Variants in NFASC observed in about 807,000 individuals in gnomAD.
NFASC encodes neurofascin, also known as neurofascin homolog.
Under a neutral mutation model 147.5 loss-of-function variants are expected in NFASC, and 43 were observed. That is an observed-to-expected ratio of 0.29 (90% CI 0.23 to 0.38). The LOEUF (loss-of-function observed/expected upper bound fraction) is 0.38, where lower values mean the gene tolerates loss of function less well. Ranked by LOEUF, NFASC falls within the 10% of genes least tolerant of loss-of-function variation. The pLI is 1.00. For missense variants in NFASC, 1,320 were observed against 1,689.0 expected (o/e 0.78, Z 3.83); for synonymous variants, 622 against 665.5 (o/e 0.93, Z 1.01).
intron 10 of NFASC, among the ~76,000 whole-genome samples, chr1:204,970,163 G>GAT (rs2095180289): frequency 6.7e-6 from 1 of 150,138 alleles, no homozygotes; most frequent in African/African-American, 2.4e-5. Context: ...TAAATGGTCT[G>GAT]ATCTTGCAAA....
chr1:205,000,071 T>A (rs570264152), intron 25 of NFASC: 1 of 152,238 alleles, frequency 6.6e-6, no homozygotes, highest in African/African-American at 2.4e-5. Context: ...ACCATGGCTT[T>A]GATAAAGTGG....
At chr1:204,995,076 C>T (rs903032998) in intron 24 of NFASC, among the ~76,000 whole-genome samples, 1 of 152,122 alleles carries the variant, frequency 6.6e-6, no homozygotes, top group Non-Finnish European at 1.5e-5. Context: ...GCCATGATCA[C>T]ACCACTACAC....
At position 204,975,864 on chromosome 1, in the gene NFASC, C is replaced by G. The variant is rs2095390202; in HGVS notation, c.1706+446C>G. ...AGCCAGCTCTCAGCCCTGACTGAAC[C>G]TGGCATGCTTTTACCACACCCACGC... On this transcript the variant is annotated intron_variant, in intron 15 of 29. Coordinates refer to ENST00000339876, the MANE Select transcript of NFASC (RefSeq NM_001005388.3). The surrounding 1 kb of genome is among the most constrained non-coding windows in gnomAD (Gnocchi z 4.0). Among the ~76,000 whole-genome samples, 1 of 152,188 alleles carries G rather than the reference C, an allele frequency of 6.6e-6. No individual in the cohort carries two copies. The highest frequency in any genetic ancestry group is 2.1e-4 in the South Asian group (1 of 4,836).
intron 1 of NFASC, among the ~76,000 whole-genome samples, chr1:204,833,962 G>T (rs1488538360): frequency 1.3e-5 from 2 of 152,188 alleles, no homozygotes; most frequent in African/African-American, 4.8e-5. Flanking sequence ...ATACCTAGCT[G>T]GTAGTAAATA....
rs2095515252 is a variant in NFASC at position 204,981,840 on chromosome 1, A to G, written c.2290A>G (p.Ile764Val). The G allele has an allele frequency of 6.3e-7, 1 of 1,596,230 alleles. No individual in the cohort carries two copies. Among genetic ancestry groups the G allele is most frequent in the East Asian group, 2.3e-5 (1 of 43,312 alleles). The part of the protein sequence containing the change: ...TSAFGPNLRY[I>V]VKWRRRETRE... ...GGCCTTTGGCCCCAACCTGCGCTAC[A>G]TTGTCAAGTGGAGGCGGAGAGAGAC... Residue 764 changes from isoleucine to valine, a missense_variant, in exon 21 of 30, where the codon ATT becomes GTT. Coordinates refer to ENST00000339876, the MANE Select transcript of NFASC (RefSeq NM_001005388.3).
chr1:204,834,847 A>C (rs1195770420), intron 1 of NFASC, among the ~76,000 whole-genome samples: 2 of 152,068 alleles, frequency 1.3e-5, no homozygotes, highest in African/African-American at 4.8e-5. Context: ...AGGCTGCGTG[A>C]ATAGTGGTCC....
intron 1 of NFASC, among the ~76,000 whole-genome samples, chr1:204,849,416 C>G: frequency 6.6e-6 from 1 of 152,186 alleles, no homozygotes; most frequent in Non-Finnish European, 1.5e-5. Context: ...TAGCCTGCAT[C>G]TGAGGCACTG....
At position 205,019,904 on chromosome 1, in the gene NFASC, C is replaced by T. The variant is rs1203495604; in HGVS notation, c.*3365C>T. On this transcript the variant is annotated 3_prime_UTR_variant, in exon 30 of 30. Transcript: ENST00000339876. ...CTCTTTCTACAGAGAGGCACGGGCT[C>T]CCCTGAAGGATTGTCGAGGCCAGGG... 1 of 152,236 alleles carries T rather than the reference C, an allele frequency of 6.6e-6. No individual in the cohort carries two copies. The highest frequency in any genetic ancestry group is 1.5e-5 in the Non-Finnish European group (1 of 68,060). 9.4% of individuals were successfully genotyped at this position (152,236 alleles called of 1,614,324 possible).
intron 1 of NFASC, among the ~76,000 whole-genome samples, chr1:204,852,010 C>T (rs755696453): frequency 6.6e-6 from 1 of 152,042 alleles, no homozygotes; most frequent in Non-Finnish European, 1.5e-5. Context: ...ATGTAATGTG[C>T]CCCCCATGCC....
At chr1:204,933,215 T>C (rs1026982634) in intron 2 of NFASC, among the ~76,000 whole-genome samples, 2 of 152,212 alleles carry the variant, frequency 1.3e-5, no homozygotes, top group South Asian at 4.2e-4. Flanking sequence ...GCATGGAGAA[T>C]GGATTGGATG....
chr1:204,882,162 G>A (rs1021897397), intron 1 of NFASC, among the ~76,000 whole-genome samples: 23 of 152,108 alleles, frequency 1.5e-4, no homozygotes, highest in African/African-American at 5.3e-4. Flanking sequence ...AATAAAGTCT[G>A]CCTTACCACG....
intron 27 of NFASC, 118 bp downstream of exon 27, chr1:205,002,866 C>T (rs1317785222): frequency 1.3e-6 from 1 of 757,694 alleles, no homozygotes. Flanking sequence ...CCATTTCCCA[C>T]CTTGCATGGC....
intron 1 of NFASC, among the ~76,000 whole-genome samples, chr1:204,843,336 G>C (rs544948041): frequency 3.5e-4 from 54 of 152,276 alleles, no homozygotes; most frequent in African/African-American, 1.3e-3. Context: ...ATAATACAGA[G>C]AGATCCTATG....
intron 2 of NFASC, among the ~76,000 whole-genome samples, chr1:204,938,079 G>A (rs1402563857): frequency 6.6e-6 from 1 of 152,230 alleles, no homozygotes. Flanking sequence ...AGGACAGCCT[G>A]CCCAGAACGT....
chr1:204,952,172 T>G lies in NFASC; in HGVS notation c.215+56T>G, dbSNP rs1419550603. The G allele has an allele frequency of 4.4e-6, 6 of 1,361,440 alleles. No homozygotes were observed. In the East Asian group the frequency reaches 1.4e-4, roughly 31 times the overall value. The allele number at this position is 1,361,440 out of a possible 1,614,324, so 84.3% of individuals were successfully genotyped here. On this transcript the variant is annotated intron_variant, in intron 5 of 29. Transcript: ENST00000339876. ...ACCACCCGCTTGCCTCTGGGCCTGA[T>G]GATAACTAAGGCAAATGAGGCAGCA...
chr1:204,971,376 C>T (rs2095250374), intron 11 of NFASC, among the ~76,000 whole-genome samples: 1 of 152,182 alleles, frequency 6.6e-6, no homozygotes, highest in African/African-American at 2.4e-5. Context: ...GTTTTCACAT[C>T]ATAGACTCTC....
At chr1:204,908,788 A>G (rs2086637055) in intron 1 of NFASC, among the ~76,000 whole-genome samples, 1 of 152,114 alleles carries the variant, frequency 6.6e-6, no homozygotes. Flanking sequence ...TATCATTTAC[A>G]TCATATATAT....
At chr1:204,875,742 C>T (rs897034121) in intron 1 of NFASC, among the ~76,000 whole-genome samples, 1 of 152,026 alleles carries the variant, frequency 6.6e-6, no homozygotes, top group Non-Finnish European at 1.5e-5. Context: ...TGGTAATGGC[C>T]CTAAGCACAC....
chr1:204,968,092 A>T lies in NFASC; in HGVS notation c.707-157A>T. The T allele has an allele frequency of 1.6e-6, 1 of 611,212 alleles. No individual in the cohort carries two copies. Among genetic ancestry groups the T allele is most frequent in the Non-Finnish European group, 3.0e-6 (1 of 337,400 alleles). The allele number at this position is 611,212 out of a possible 1,614,324, so 37.9% of individuals were successfully genotyped here. ...GCTGAGGAGCCCTGGGCTTCCTAAC[A>T]CACCTCACTTAATGATGCCCAAGTC... On this transcript the variant is annotated intron_variant, in intron 8 of 29. Transcript: ENST00000339876. The surrounding 1 kb of genome is among the most constrained non-coding windows in gnomAD (Gnocchi z 5.4).
Sources: allele counts gnomAD v4.1 joint callset (sites outside exome capture counted in the v4.1 genomes callset), GRCh38; gene constraint gnomAD v4.1.1; non-coding constraint Gnocchi (gnomAD v3.1); transcripts MANE v1.5; gene names NCBI Gene and HGNC (gene_info 2026-07-23, HGNC 2026-07-21).